The following PLG variants were observed in gnomAD, a reference collection of about 807,000 sequenced individuals.
The protein encoded by PLG is plasmin.
In PLG, 41 loss-of-function variants were observed where a neutral mutation model predicts 104.4. The observed-to-expected ratio is 0.39, with a 90% confidence interval of 0.31 to 0.51. PLG has a LOEUF of 0.51. PLG is among the 20% of genes least tolerant of loss of function. The probability of loss-of-function intolerance (pLI) is 0.76; values close to 1 mark genes in which losing one functional copy is unlikely to be tolerated. For missense variants in PLG, 891 were observed against 1,003.6 expected (o/e 0.89, Z 1.52); for synonymous variants, 337 against 357.1 (o/e 0.94, Z 0.63).
At position 160,752,311 on chromosome 6, in the gene PLG, TCTCAGC is replaced by T; in HGVS notation, c.2271+53_2271+58del. On this transcript the variant is annotated intron_variant, in intron 18 of 18. Coordinates refer to ENST00000308192, the MANE Select transcript of PLG (RefSeq NM_000301.5). The surrounding 1 kb of genome is among the most constrained non-coding windows in gnomAD (Gnocchi z 4.7). ...TTAGTCTTGTGCTCTCTTGTCTCAG[TCTCAGC>T]CCCTCAGACTTCATTCCCCAGGTGG... 1 of 1,546,318 alleles carries T rather than the reference TCTCAGC, an allele frequency of 6.5e-7. No individual in the cohort carries two copies. The highest frequency in any genetic ancestry group is 8.9e-7 in the Non-Finnish European group (1 of 1,118,746).
rs1248878060 is a variant in PLG at position 160,725,414 on chromosome 6, G to A, written c.1256+2847G>A. On this transcript the variant is annotated intron_variant, in intron 10 of 18. Transcript: ENST00000308192. The surrounding 1 kb of genome is among the most constrained non-coding windows in gnomAD (Gnocchi z 6.3). ...AAGTTATATAATACACATGGTTGAA[G>A]GTGGTAAGTTAAAGAGGGTTATTGC... 6.6e-6 allele frequency among the ~76,000 whole-genome samples: 1 copy of A among 151,984 alleles called. No individual in the cohort carries two copies. The highest frequency in any genetic ancestry group is 2.4e-5 in the African/African-American group (1 of 41,354).
intron 4 of PLG, among the ~76,000 whole-genome samples, chr6:160,712,449 A>G (rs1196741364): frequency 1.3e-5 from 2 of 152,192 alleles, no homozygotes; most frequent in African/African-American, 4.8e-5. Flanking sequence ...CTGCTTCTTC[A>G]TAGCTATTTA....
chr6:160,738,966 G>T lies in PLG; in HGVS notation c.1878-102G>T. ...TTGCCACTCAGAAGTCACTAATTCTGAGTGGCCAAGGGTGTCAGGGAGACA... is the reference window on the plus strand; with the variant it reads ...TTGCCACTCAGAAGTCACTAATTCTTAGTGGCCAAGGGTGTCAGGGAGACA... On this transcript the variant is annotated intron_variant, in intron 15 of 18. Coordinates refer to ENST00000308192, the MANE Select transcript of PLG (RefSeq NM_000301.5). The surrounding 1 kb of genome is among the most constrained non-coding windows in gnomAD (Gnocchi z 6.8). 7.3e-7 allele frequency: 1 copy of T among 1,378,434 alleles called. No individual in the cohort carries two copies. Among genetic ancestry groups the T allele is most frequent in the South Asian group, 1.2e-5 (1 of 85,566 alleles). 85.4% of individuals were successfully genotyped at this position (1,378,434 alleles called of 1,614,324 possible). A position where few individuals can be genotyped will look rare whatever the true frequency, so the allele number is the denominator to read the frequency against.
rs1181547793 is a variant in PLG at position 160,731,905 on chromosome 6, T to G, written c.1587+12T>G. On this transcript the variant is annotated intron_variant, in intron 12 of 18. Transcript: ENST00000308192. This position sits in a 1 kb window ranked among gnomAD's most constrained non-coding sequence, Gnocchi z 5.1. ...GTCTGGAAAAAAATGTAAGCCACTT[T>G]GATTTGGACTCTTTGGCCTTTTGCT... is the stretch of plus-strand genomic sequence containing the variant. 1 of 1,613,672 alleles carries G rather than the reference T, an allele frequency of 6.2e-7. No individual in the cohort carries two copies. The highest frequency in any genetic ancestry group is 2.2e-5 in the East Asian group (1 of 44,882).
chr6:160,714,026 A>G (rs1777690686), intron 5 of PLG, among the ~76,000 whole-genome samples: 1 of 152,216 alleles, frequency 6.6e-6, no homozygotes, highest in Non-Finnish European at 1.5e-5. Flanking sequence ...ACCTGTTCGA[A>G]TCACGGGGAT....
At chr6:160,751,658 C>G (rs2115189701) in intron 17 of PLG, among the ~76,000 whole-genome samples, 1 of 152,240 alleles carries the variant, frequency 6.6e-6, no homozygotes, top group South Asian at 2.1e-4. Context: ...AGTAGCTCCC[C>G]TTAACATATT....
chr6:160,741,132 C>T lies in PLG; in HGVS notation c.2019-179C>T, dbSNP rs1263612087. 6.6e-6 allele frequency among the ~76,000 whole-genome samples: 1 copy of T among 152,194 alleles called. No homozygotes were observed. Among genetic ancestry groups the T allele is most frequent in the African/African-American group, 2.4e-5 (1 of 41,436 alleles). On this transcript the variant is annotated intron_variant, in intron 16 of 18. Coordinates refer to ENST00000308192, the MANE Select transcript of PLG (RefSeq NM_000301.5). The surrounding 1 kb of genome is among the most constrained non-coding windows in gnomAD (Gnocchi z 4.7). ...AATGAAACCTTACATCTGCATAGTC[C>T]ATAGACAACCACAGGCAAATGTGAG...
At chr6:160,743,902 A>G (rs1466624425) in intron 17 of PLG, among the ~76,000 whole-genome samples, 2 of 152,200 alleles carry the variant, frequency 1.3e-5, no homozygotes, top group African/African-American at 2.4e-5. Flanking sequence ...CCTTTTCTGC[A>G]TCTATTGAGA....
chr6:160,705,032 G>A (rs901363415), intron 1 of PLG, among the ~76,000 whole-genome samples: 5 of 152,200 alleles, frequency 3.3e-5, no homozygotes, highest in Non-Finnish European at 7.3e-5. Flanking sequence ...TCCTGCTGCA[G>A]CCTCCACTGC....
rs1457571917 is a variant in PLG at position 160,740,987 on chromosome 6, A to G, written c.2019-324A>G. On this transcript the variant is annotated intron_variant, in intron 16 of 18. Coordinates refer to ENST00000308192, the MANE Select transcript of PLG (RefSeq NM_000301.5). The surrounding 1 kb of genome is among the most constrained non-coding windows in gnomAD (Gnocchi z 5.2). ...TGCCCTATTCGATTAATGTAAAAGG[A>G]CACACTCAGCATGAGATTCCAGTTG... 2.0e-5 allele frequency among the ~76,000 whole-genome samples: 3 copies of G among 152,192 alleles called. No individual in the cohort carries two copies. The highest frequency in any genetic ancestry group is 4.8e-5 in the African/African-American group (2 of 41,466).
At chr6:160,748,479 G>A (rs1426234427) in intron 17 of PLG, among the ~76,000 whole-genome samples, 2 of 147,594 alleles carry the variant, frequency 1.4e-5, no homozygotes, top group Non-Finnish European at 3.0e-5. Flanking sequence ...GAGGGAGGAA[G>A]GGTGGGTGGG....
chr6:160,702,504 A>G, intron 1 of PLG, 151 bp downstream of exon 1: 1 of 1,124,476 alleles, frequency 8.9e-7, no homozygotes. Flanking sequence ...GGAATTCTTC[A>G]AGAAATAAGT....
At chr6:160,714,667 G>A in intron 5 of PLG, 127 bp from the exon 6 acceptor site, 1 of 827,582 alleles carries the variant, frequency 1.2e-6, no homozygotes. Context: ...AGTGCCTGTT[G>A]TGAATTACAT....
chr6:160,748,378 A>AG (rs1562383356), intron 17 of PLG, among the ~76,000 whole-genome samples: 78 of 41,748 alleles, frequency 1.9e-3, no homozygotes, highest in South Asian at 8.0e-3. Context: ...GAAAGAAAGA[A>AG]AGAAAGAAAG....
At position 160,731,320 on chromosome 6, in the gene PLG, C is replaced by A; in HGVS notation, c.1438+88C>A. 8.5e-7 allele frequency: 1 copy of A among 1,172,564 alleles called. No homozygotes were observed. The highest frequency in any genetic ancestry group is 1.3e-6 in the Non-Finnish European group (1 of 784,978). 72.6% of individuals were successfully genotyped at this position (1,172,564 alleles called of 1,614,324 possible). On this transcript the variant is annotated intron_variant, in intron 11 of 18. Transcript: ENST00000308192. This position sits in a 1 kb window ranked among gnomAD's most constrained non-coding sequence, Gnocchi z 5.1. ...CTCACTGATGCAGAAACCTTCCATGCTACACGAGAAATCAAGTGTTTTTAG... is the reference window on the plus strand; with the variant it reads ...CTCACTGATGCAGAAACCTTCCATGATACACGAGAAATCAAGTGTTTTTAG...
At chr6:160,715,162 C>G (rs146806271) in intron 6 of PLG, among the ~76,000 whole-genome samples, 52 of 152,350 alleles carry the variant, frequency 3.4e-4, no homozygotes, top group Non-Finnish European at 1.3e-4. Context: ...GTCACACCCT[C>G]TGAATCTGAT....
chr6:160,748,370 A>AAGAGAGAGAGAGAGAGAGAG (rs1346113408), intron 17 of PLG, among the ~76,000 whole-genome samples: 1 of 41,398 alleles, frequency 2.4e-5, no homozygotes, highest in Admixed American at 3.5e-4. Flanking sequence ...GAAAGAAAGA[A>AAGAGAGAGAGAGAGAGAGAG]AGAAAGAAAG....
rs750275964 is a variant in PLG, at chr6:160,718,283, G to T, written c.788-11G>T. 1.2e-6 allele frequency: 2 copies of T among 1,608,614 alleles called. No homozygotes were observed. Among genetic ancestry groups the T allele is most frequent in the Non-Finnish European group, 1.7e-6 (2 of 1,175,050 alleles). ...ATATATATTCATTGTAACTTATTTTGCCCATTCAAGCAACACCTCCACCAT... is the reference window on the plus strand; with the variant it reads ...ATATATATTCATTGTAACTTATTTTTCCCATTCAAGCAACACCTCCACCAT... On this transcript the variant is annotated splice_polypyrimidine_tract_variant and intron_variant, in intron 7 of 18. Coordinates refer to ENST00000308192, the MANE Select transcript of PLG (RefSeq NM_000301.5).
In PLG at chr6:160,745,036, G is replaced by T. The variant is rs2115184216; in HGVS notation, c.2125+3619G>T. Among the ~76,000 whole-genome samples, 3 of 152,224 alleles carry T rather than the reference G, an allele frequency of 2.0e-5. No homozygotes were observed. In the Middle Eastern group the frequency reaches 0.01, roughly 518 times the overall value. On this transcript the variant is annotated intron_variant, in intron 17 of 18. Coordinates refer to ENST00000308192, the MANE Select transcript of PLG (RefSeq NM_000301.5). ...TGAGAGTGTGTTTGGTATGATTTTG[G>T]TTCTTTGGCACTTGCTGAAGATTGT... is the stretch of plus-strand genomic sequence containing the variant.
Sources: gnomAD v4.1 joint callset for allele counts (sites outside exome capture counted in the v4.1 genomes callset) on GRCh38, gnomAD v4.1.1 for gene constraint, Gnocchi (gnomAD v3.1) non-coding constraint, MANE v1.5 for transcripts, NCBI Gene and HGNC (gene_info 2026-07-23, HGNC 2026-07-21) for gene names.